Variants in MVB12A observed in about 807,000 individuals in gnomAD.
The protein encoded by MVB12A is multivesicular body subunit 12A, also known as CIN85/CD2AP family binding protein.
MVB12A carries 30 observed loss-of-function variants against 34.3 expected under a neutral mutation model. The ratio of observed to expected loss-of-function variants is 0.88; its 90% CI spans 0.65 to 1.19. MVB12A has a LOEUF of 1.19. MVB12A is among the 50% of genes most tolerant of loss of function. The pLI, the probability that MVB12A is intolerant of heterozygous loss-of-function variation, is 0.00. For missense variants in MVB12A, 355 were observed against 369.2 expected (o/e 0.96, Z 0.31); for synonymous variants, 158 against 158.9 (o/e 0.99, Z 0.04).
In MVB12A at chr19:17,425,010, G is replaced by T; in HGVS notation, c.*17G>T. The T allele has an allele frequency of 6.4e-7, 1 of 1,557,502 alleles. No individual in the cohort carries two copies. The highest frequency in any genetic ancestry group is 8.8e-7 in the Non-Finnish European group (1 of 1,141,498). ...GTCTCATAGTCCCTCACCCTTCCGC[G>T]GAAAGAGCCCCCTTACTCCACCTCC... is the stretch of plus-strand genomic sequence containing the variant. On this transcript the variant is annotated 3_prime_UTR_variant, in exon 9 of 9. Coordinates refer to ENST00000317040, the MANE Select transcript of MVB12A (RefSeq NM_138401.4).
At position 17,422,459 on chromosome 19, in the gene MVB12A, G is replaced by A. The variant is rs1343447419; in HGVS notation, c.413+1G>A. On this transcript the variant is annotated splice_donor_variant, in intron 4 of 8. Coordinates refer to ENST00000317040, the MANE Select transcript of MVB12A (RefSeq NM_138401.4). LOFTEE classifies it high-confidence loss of function. ...CAGTGCCTGGATACCTTCGAATAGGGTAGGGCCACCCCCCAGTGTCTAGCC... is the reference window on the plus strand; with the variant it reads ...CAGTGCCTGGATACCTTCGAATAGGATAGGGCCACCCCCCAGTGTCTAGCC... 1 of 1,607,952 alleles carries A rather than the reference G, an allele frequency of 6.2e-7. No individual in the cohort carries two copies. The highest frequency in any genetic ancestry group is 2.2e-5 in the East Asian group (1 of 44,668).
rs374478408 is a variant in MVB12A, at chr19:17,423,994, C to G, written c.641-12C>G. The G allele has an allele frequency of 3.1e-6, 5 of 1,613,944 alleles. No homozygotes were observed. The highest frequency in any genetic ancestry group is 1.1e-5 in the South Asian group (1 of 91,086). ...CTACACCTCACCTCCTCCCCTCGCACGTGTTTTTCAGCCATGGATGGGGTT... is the reference window on the plus strand; with the variant it reads ...CTACACCTCACCTCCTCCCCTCGCAGGTGTTTTTCAGCCATGGATGGGGTT... On this transcript the variant is annotated splice_polypyrimidine_tract_variant and intron_variant, in intron 6 of 8. Coordinates refer to ENST00000317040, the MANE Select transcript of MVB12A (RefSeq NM_138401.4).
chr19:17,423,384 C>A, intron 4 of MVB12A, 114 bp from the exon 5 acceptor site: 2 of 1,330,632 alleles, frequency 1.5e-6, no homozygotes, highest in Non-Finnish European at 2.0e-6. Context: ...AAAAAAATTC[C>A]CCCAAAAGAC....
chr19:17,425,241 C>T lies in MVB12A; in HGVS notation c.*248C>T, dbSNP rs1241475744. On this transcript the variant is annotated 3_prime_UTR_variant, in exon 9 of 9. Coordinates refer to ENST00000317040, the MANE Select transcript of MVB12A (RefSeq NM_138401.4). ...GGGCAGGGCTGGAGCTGGACAGAAG[C>T]CAGTGCCTTTAAGTCATTTGTGTCA... 2 of 505,642 alleles carry T rather than the reference C, an allele frequency of 4.0e-6. No homozygotes were observed. The highest frequency in any genetic ancestry group is 7.6e-5 in the Admixed American group (2 of 26,414). The allele number at this position is 505,642 out of a possible 1,614,324, so 31.3% of individuals were successfully genotyped here. A position where few individuals can be genotyped will look rare whatever the true frequency, so the allele number is the denominator to read the frequency against.
chr19:17,409,394 G>C (rs1005757285), intron 2 of MVB12A, among the ~76,000 whole-genome samples: 3 of 144,126 alleles, frequency 2.1e-5, no homozygotes, highest in Non-Finnish European at 4.5e-5. Flanking sequence ...GCCTCCCAAA[G>C]TGCTGGGATT....
At chr19:17,411,979 GC>G (rs1178246646) in intron 2 of MVB12A, among the ~76,000 whole-genome samples, 11 of 152,186 alleles carry the variant, frequency 7.2e-5, no homozygotes, top group Non-Finnish European at 1.3e-4. Flanking sequence ...GCGGGTGGGG[GC>G]GATTCTGCTC....
chr19:17,409,192 G>A (rs373903547), intron 2 of MVB12A, among the ~76,000 whole-genome samples: 28 of 146,580 alleles, frequency 1.9e-4, no homozygotes, highest in South Asian at 4.3e-4. Flanking sequence ...GTGCAGTGGT[G>A]TAATCTCGGC....
At chr19:17,407,505 C>G (rs2074736539) in intron 2 of MVB12A, among the ~76,000 whole-genome samples, 1 of 152,128 alleles carries the variant, frequency 6.6e-6, no homozygotes, top group Non-Finnish European at 1.5e-5. Flanking sequence ...GTCCACTGGA[C>G]AGGGGGCCCT....
rs1033002175 is a variant in MVB12A at position 17,425,242 on chromosome 19, C to T, written c.*249C>T. On this transcript the variant is annotated 3_prime_UTR_variant, in exon 9 of 9. Coordinates refer to ENST00000317040, the MANE Select transcript of MVB12A (RefSeq NM_138401.4). ...GGCAGGGCTGGAGCTGGACAGAAGC[C>T]AGTGCCTTTAAGTCATTTGTGTCAA... is the stretch of plus-strand genomic sequence containing the variant. 1.7e-4 allele frequency: 86 copies of T among 504,712 alleles called. No individual in the cohort carries two copies. The highest frequency in any genetic ancestry group is 1.5e-3 in the African/African-American group (75 of 50,472). 31.3% of individuals were successfully genotyped at this position (504,712 alleles called of 1,614,324 possible).
intron 3 of MVB12A, 160 bp from the exon 4 acceptor site, chr19:17,422,172 A>C: frequency 1.8e-6 from 1 of 562,600 alleles, no homozygotes; most frequent in Non-Finnish European, 3.1e-6. Context: ...TCCTTCATCT[A>C]TACCATTCAT....
chr19:17,416,138 A>G (rs1328559575), upstream of MVB12A, among the ~76,000 whole-genome samples: 1 of 152,196 alleles, frequency 6.6e-6, no homozygotes, highest in Non-Finnish European at 1.5e-5. Context: ...GCTGGAGTGC[A>G]GTGGTGTGAT....
At position 17,410,541 on chromosome 19, in the gene MVB12A, T is replaced by TATAC. The variant is rs1555734716; in HGVS notation, c.-5+4248_-5+4249insCATA. On this transcript the variant is annotated intron_variant, in intron 2 of 6. Transcript: ENST00000528604. ...ATATATATATATATACACACACACA[T>TATAC]ATATATATACACACACATATATATA... Among the ~76,000 whole-genome samples the TATAC allele has an allele frequency of 2.3e-3, 225 of 99,542 alleles. 7 individuals are homozygous for TATAC. The highest frequency in any genetic ancestry group is 9.6e-3 in the African/African-American group (211 of 21,934). The allele number at this position is 99,542 out of a possible 152,430, so 65.3% of individuals were successfully genotyped here.
At chr19:17,410,243 T>TCACTGC (rs1357621167) in intron 2 of MVB12A, among the ~76,000 whole-genome samples, 2 of 150,824 alleles carry the variant, frequency 1.3e-5, no homozygotes, top group East Asian at 3.9e-4. Flanking sequence ...CAATCATAGC[T>TCACTGC]CACTGCAGCC....
upstream of MVB12A, among the ~76,000 whole-genome samples, chr19:17,416,415 T>C (rs903351357): frequency 2.7e-5 from 4 of 145,968 alleles, no homozygotes; most frequent in Admixed American, 2.0e-4. Context: ...CAGCCTGCTT[T>C]TTTTTTTTTT....
chr19:17,425,034 C>T lies in MVB12A; in HGVS notation c.*41C>T, dbSNP rs765462881. 3 of 1,227,388 alleles carry T rather than the reference C, an allele frequency of 2.4e-6. No homozygotes were observed. Among genetic ancestry groups the T allele is most frequent in the East Asian group, 4.9e-5 (2 of 41,140 alleles). The allele number at this position is 1,227,388 out of a possible 1,614,324, so 76.0% of individuals were successfully genotyped here. The stretch of plus-strand genomic sequence containing the variant: ...CGGAAAGAGCCCCCTTACTCCACCT[C>T]CCCGCCAGCCTGGGGCCACCCCCCC... On this transcript the variant is annotated 3_prime_UTR_variant, in exon 9 of 9. Coordinates refer to ENST00000317040, the MANE Select transcript of MVB12A (RefSeq NM_138401.4).
rs775984858 is a variant in MVB12A, at chr19:17,420,311, A to G, written c.91-2A>G. 2 of 1,592,318 alleles carry G rather than the reference A, an allele frequency of 1.3e-6. No individual in the cohort carries two copies. Among genetic ancestry groups the G allele is most frequent in the Non-Finnish European group, 1.7e-6 (2 of 1,169,004 alleles). ...CGGCGCTGACCCGCGTCCTCCCGGT[A>G]GATCTCCTGCACCGTCGAGGGGGCA... On this transcript the variant is annotated splice_acceptor_variant, in intron 1 of 8. Transcript: ENST00000317040. LOFTEE classifies it high-confidence loss of function.
intron 2 of MVB12A, among the ~76,000 whole-genome samples, chr19:17,408,879 G>A (rs1261558861): frequency 3.0e-5 from 4 of 133,202 alleles, no homozygotes; most frequent in Non-Finnish European, 6.2e-5. Flanking sequence ...GCCCAGGCTG[G>A]AGTGCAGTGG....
intron 2 of MVB12A, among the ~76,000 whole-genome samples, chr19:17,412,703 T>C (rs1200584619): frequency 6.6e-6 from 1 of 152,198 alleles, no homozygotes; most frequent in African/African-American, 2.4e-5. Context: ...CGGTGAGATT[T>C]CTCATCAGTT....
upstream of MVB12A, among the ~76,000 whole-genome samples, chr19:17,416,224 GGC>G: frequency 1.3e-5 from 1 of 79,302 alleles, no homozygotes; most frequent in Non-Finnish European, 2.1e-5. Flanking sequence ...TGGGATTACA[GGC>G]GCATGCCACT....
Sources: gnomAD v4.1 joint callset for allele counts (sites outside exome capture counted in the v4.1 genomes callset) on GRCh38, gnomAD v4.1.1 for gene constraint, MANE v1.5 for transcripts, NCBI Gene and HGNC (gene_info 2026-07-23, HGNC 2026-07-21) for gene names.